The following CTSD variants were observed in gnomAD, a reference collection of about 807,000 sequenced individuals.
CTSD encodes ceroid-lipofuscinosis, neuronal 10.
A neutral mutation model predicts 43.6 loss-of-function variants in CTSD; 28 were observed. The observed-to-expected ratio is 0.64, with a 90% CI of 0.48 to 0.88. The LOEUF (loss-of-function observed/expected upper bound fraction) is 0.88. CTSD is among the 40% of genes least tolerant of loss of function. The pLI, the probability that CTSD is intolerant of heterozygous loss-of-function variation, is 0.00. For synonymous variants in CTSD, 270 were observed against 249.8 expected (o/e 1.08, Z -0.76); for missense variants, 485 against 555.2 (o/e 0.87, Z 1.27).
At chr11:1,761,900 G>A (rs1017022259) in intron 1 of CTSD, 2 of 298,648 alleles carry the variant, frequency 6.7e-6, no homozygotes, top group Non-Finnish European at 1.3e-5. Context: ...AAAGTGCTCT[G>A]AGGCAGCCCA....
chr11:1,761,647 A>G lies in CTSD; in HGVS notation c.69-179T>C, dbSNP rs114071176. The G allele has an allele frequency of 7.5e-4, 535 of 709,886 alleles. 1 individual carries two copies. The African/African-American group carries it at 8.0e-3, about 11-fold the overall frequency. The allele number at this position is 709,886 out of a possible 1,614,324, so 44.0% of individuals were successfully genotyped here. ...AGCTCCCCCAAGTCAGTGAATGGCAACCCATTGCCCCCCGCCAGGTTGCAC... is the reference window on the plus strand; with the variant it reads ...AGCTCCCCCAAGTCAGTGAATGGCAGCCCATTGCCCCCCGCCAGGTTGCAC... On this transcript the variant is annotated intron_variant, in intron 1 of 8. Coordinates refer to ENST00000236671, the MANE Select transcript of CTSD (RefSeq NM_001909.5).
intron 6 of CTSD, among the ~76,000 whole-genome samples, 169 bp downstream of exon 6, chr11:1,754,737 G>A (rs1845788597): frequency 6.7e-6 from 1 of 149,702 alleles, no homozygotes; most frequent in South Asian, 2.1e-4. Context: ...TGGGGAGCAT[G>A]GAGGGGCAAG....
chr11:1,760,301 T>A (rs1233180753), intron 2 of CTSD: 1 of 152,430 alleles, frequency 6.6e-6, no homozygotes, highest in Non-Finnish European at 1.5e-5. Context: ...GACTCAGGGA[T>A]CAGGCAAGTA....
At chr11:1,754,410 T>TG (rs1565019262) in intron 6 of CTSD, among the ~76,000 whole-genome samples, 2 of 60,276 alleles carry the variant, frequency 3.3e-5, no homozygotes, top group East Asian at 4.9e-4. Context: ...ATGGAGGGGA[T>TG]GAAGGGATGG....
chr11:1,763,280 G>A (rs906035825), intron 1 of CTSD, among the ~76,000 whole-genome samples: 2 of 152,162 alleles, frequency 1.3e-5, no homozygotes, highest in African/African-American at 2.4e-5. Flanking sequence ...GAACTCCTAG[G>A]GTCTCGAGGG....
chr11:1,759,703 A>G, intron 2 of CTSD, 64 bp from the exon 3 acceptor site: 1 of 1,542,992 alleles, frequency 6.5e-7, no homozygotes, highest in Admixed American at 1.8e-5. Context: ...TGGGCCTCAG[A>G]AGGCCCGGCT....
At position 1,753,653 on chromosome 11, in the gene CTSD, C is replaced by T; in HGVS notation, c.1089G>A (p.Lys363=). ...CCATGAAGCCGCTCAGGCAGAGGGT[C>T]TTCCCGGCCTGCGACACCTGGGACG... ...DYTLKVSQAG[K]TLCLSGFMGM... The change falls in exon 9 of 9, where the codon AAG becomes AAA. Residue 363 remains lysine, a synonymous_variant. Coordinates refer to ENST00000236671, the MANE Select transcript of CTSD (RefSeq NM_001909.5). The T allele has an allele frequency of 1.2e-6, 2 of 1,612,886 alleles. No homozygotes were observed. Among genetic ancestry groups the T allele is most frequent in the Middle Eastern group, 1.7e-4 (1 of 6,060 alleles).
intron 5 of CTSD, among the ~76,000 whole-genome samples, chr11:1,755,892 C>A (rs1352159476): frequency 6.6e-6 from 1 of 152,090 alleles, no homozygotes; most frequent in Non-Finnish European, 1.5e-5. Context: ...CTGATCAGCG[C>A]CTCCCACCCC....
In CTSD at chr11:1,757,588, G is replaced by T. The variant is rs1423161580; in HGVS notation, c.472-32C>A. Reference sequence around the variant, plus strand: ...GCCAGGGCAGAGTCAGTGGGCAGCAGACAGGCTGAGCCCTACACCACTCCC... The same window carrying T: ...GCCAGGGCAGAGTCAGTGGGCAGCATACAGGCTGAGCCCTACACCACTCCC... On this transcript the variant is annotated intron_variant, in intron 4 of 8. Transcript: ENST00000236671. 4 of 1,551,354 alleles carry T rather than the reference G, an allele frequency of 2.6e-6. No individual in the cohort carries two copies. In the South Asian group the frequency reaches 4.6e-5, roughly 18 times the overall value.
chr11:1,760,783 T>C (rs1845865890), intron 2 of CTSD: 1 of 184,732 alleles, frequency 5.4e-6, no homozygotes, highest in South Asian at 9.2e-5. Context: ...GGCTGGACAG[T>C]AGGCCCTGGC....
chr11:1,755,172 A>G, intron 5 of CTSD, 144 bp from the exon 6 acceptor site: 1 of 952,550 alleles, frequency 1.0e-6, no homozygotes, highest in Non-Finnish European at 1.7e-6. Flanking sequence ...GGAAAGGCCC[A>G]GAAGGCAGGA....
intron 2 of CTSD, among the ~76,000 whole-genome samples, chr11:1,760,091 T>C (rs909181454): frequency 6.6e-6 from 1 of 152,222 alleles, no homozygotes; most frequent in Non-Finnish European, 1.5e-5. Flanking sequence ...TGTCAAGGTC[T>C]GATTCTGGGT....
rs698452 is a variant in CTSD, at chr11:1,752,945, T to C, written c.*558A>G. 3 of 187,886 alleles carry C rather than the reference T, an allele frequency of 1.6e-5. No homozygotes were observed. The highest frequency in any genetic ancestry group is 3.4e-5 in the Non-Finnish European group (3 of 89,312). The allele number at this position is 187,886 out of a possible 1,614,324, so 11.6% of individuals were successfully genotyped here. A position where few individuals can be genotyped will look rare whatever the true frequency, so the allele number is the denominator to read the frequency against. On this transcript the variant is annotated 3_prime_UTR_variant, in exon 9 of 9. Transcript: ENST00000236671. ...CACCACCCTGCAGGCTCCAACAAGG[T>C]GGGTTTTGTCCCCTCTCACTCCTTC...
At chr11:1,762,343 G>A (rs1265788482) in intron 1 of CTSD, 1 of 152,334 alleles carries the variant, frequency 6.6e-6, no homozygotes, top group African/African-American at 2.4e-5. Flanking sequence ...CAGGAAGCGA[G>A]TAAGAGAGAG....
chr11:1,761,513 GC>G, intron 1 of CTSD, 45 bp from the exon 2 acceptor site: 1 of 1,605,670 alleles, frequency 6.2e-7, no homozygotes, highest in Middle Eastern at 1.7e-4. Context: ...CCTCCCGCCT[GC>G]CGGCCGACGC....
At chr11:1,755,264 T>C in intron 5 of CTSD, 2 of 582,926 alleles carry the variant, frequency 3.4e-6, no homozygotes, top group Middle Eastern at 9.4e-4. Context: ...TCCTCAACCC[T>C]CAGGTTCTCC....
rs1845878558 is a variant in CTSD at position 1,761,566 on chromosome 11, CAG to C, written c.69-100_69-99del. On this transcript the variant is annotated intron_variant, in intron 1 of 8. Coordinates refer to ENST00000236671, the MANE Select transcript of CTSD (RefSeq NM_001909.5). ...CCACCTGGAGGCCCCTGGGGAATCT[CAG>C]AGTCGCCACAGCCAAAACCAAACTC... is the stretch of plus-strand genomic sequence containing the variant. 4 of 1,381,778 alleles carry C rather than the reference CAG, an allele frequency of 2.9e-6. No individual in the cohort carries two copies. The South Asian group carries it at 4.8e-5, about 17-fold the overall frequency. 85.6% of individuals were successfully genotyped at this position (1,381,778 alleles called of 1,614,324 possible). A position where few individuals can be genotyped will look rare whatever the true frequency, so the allele number is the denominator to read the frequency against.
At chr11:1,763,106 G>C (rs1353018155) in intron 1 of CTSD, 1 of 152,474 alleles carries the variant, frequency 6.6e-6, no homozygotes, top group African/African-American at 2.4e-5. Context: ...CTGCCCAGCT[G>C]GTCAGGCATG....
chr11:1,763,585 C>A, intron 1 of CTSD: 1 of 520,024 alleles, frequency 1.9e-6, no homozygotes. Flanking sequence ...GCGCCTCTGC[C>A]CCGGGTCCCC....
Sources: gnomAD v4.1 joint callset for allele counts (sites outside exome capture counted in the v4.1 genomes callset) on GRCh38, gnomAD v4.1.1 for gene constraint, MANE v1.5 for transcripts, NCBI Gene and HGNC (gene_info 2026-07-23, HGNC 2026-07-21) for gene names.